The following SCARA5 variants were observed in gnomAD, a reference collection of about 807,000 sequenced individuals.
The protein encoded by SCARA5 is scavenger receptor class A member 5.
Under a neutral mutation model 46.3 loss-of-function variants are expected in SCARA5, and 45 were observed. The ratio of observed to expected loss-of-function variants is 0.97; its 90% CI spans 0.76 to 1.24. SCARA5 has a LOEUF of 1.24. Among genes scored for constraint, SCARA5 ranks in the 50% most tolerant of loss-of-function variants. The pLI, the probability that SCARA5 is intolerant of heterozygous loss-of-function variation, is 0.00. For synonymous variants in SCARA5, 333 were observed against 306.5 expected (o/e 1.09, Z -0.90); for missense variants, 680 against 689.0 (o/e 0.99, Z 0.15).
At chr8:27,919,698 G>A (rs966441314) in intron 4 of SCARA5, among the ~76,000 whole-genome samples, 1 of 151,844 alleles carries the variant, frequency 6.6e-6, no homozygotes. Flanking sequence ...AAGCACACTA[G>A]CTCTGGGATC....
chr8:27,921,467 A>C (rs1329699313), intron 4 of SCARA5, 104 bp downstream of exon 4: 10 of 922,096 alleles, frequency 1.1e-5, no homozygotes, highest in Admixed American at 3.2e-5. Context: ...GCACTTGGGG[A>C]TGGGGTGGGG....
chr8:27,904,697 C>A (rs755572582), intron 7 of SCARA5, 81 bp downstream of exon 7: 8 of 1,309,962 alleles, frequency 6.1e-6, no homozygotes, highest in African/African-American at 5.8e-5. Context: ...GCCTCTGAAC[C>A]TCCAAACTTA....
chr8:27,922,333 G>T (rs1807612456), intron 3 of SCARA5, 88 bp from the exon 4 acceptor site: 8 of 838,948 alleles, frequency 9.5e-6, no homozygotes, highest in Middle Eastern at 4.6e-4. Flanking sequence ...AGCCTGGCAT[G>T]CAGTAGGTGC....
rs925750659 is a variant in SCARA5, at chr8:27,947,327, A to G, written c.241+19087T>C. Among the ~76,000 whole-genome samples the G allele has an allele frequency of 3.3e-5, 5 of 152,262 alleles. No homozygotes were observed. In the East Asian group the frequency reaches 9.7e-4, roughly 29 times the overall value. On this transcript the variant is annotated intron_variant, in intron 3 of 8. Transcript: ENST00000354914. ...GCACCCAGCCTCTGTTGGACTTCCA[A>G]GGGCAAATTGGCTTAAAAATCCAAA...
At chr8:27,984,531 T>G (rs1390466342) in intron 2 of SCARA5, among the ~76,000 whole-genome samples, 1 of 151,738 alleles carries the variant, frequency 6.6e-6, no homozygotes, top group Non-Finnish European at 1.5e-5. Context: ...CATCCATCTA[T>G]CCATTCATTC....
chr8:27,916,852 C>G (rs984256337), intron 4 of SCARA5, among the ~76,000 whole-genome samples: 1 of 152,132 alleles, frequency 6.6e-6, no homozygotes, highest in Non-Finnish European at 1.5e-5. Context: ...GCATCCCCCC[C>G]GATTTCATAT....
At chr8:27,945,862 A>C (rs950502637) in intron 3 of SCARA5, among the ~76,000 whole-genome samples, 2 of 152,220 alleles carry the variant, frequency 1.3e-5, no homozygotes. Context: ...AAGAAATGCA[A>C]ATTTTAAAAA....
intron 3 of SCARA5, 70 bp from the exon 4 acceptor site, chr8:27,922,315 CCAGT>C: frequency 9.0e-7 from 1 of 1,112,850 alleles, no homozygotes; most frequent in Non-Finnish European, 1.3e-6. Flanking sequence ...AGAGGCGAAC[CCAGT>C]CAGAGCCTGG....
At position 27,870,876 on chromosome 8, in the gene SCARA5, C is replaced by T. The variant is rs528961283; in HGVS notation, c.*1058G>A. The T allele has an allele frequency of 6.6e-6, 1 of 152,234 alleles. No individual in the cohort carries two copies. The highest frequency in any genetic ancestry group is 2.1e-4 in the South Asian group (1 of 4,832). The allele number at this position is 152,234 out of a possible 1,614,324, so 9.4% of individuals were successfully genotyped here. A position where few individuals can be genotyped will look rare whatever the true frequency, so the allele number is the denominator to read the frequency against. ...AAGATGCAAAATCATCACCTCCAAACAGCTGAGACACACATGACTTGGCTT... is the reference window on the plus strand; with the variant it reads ...AAGATGCAAAATCATCACCTCCAAATAGCTGAGACACACATGACTTGGCTT... On this transcript the variant is annotated 3_prime_UTR_variant, in exon 9 of 9. Coordinates refer to ENST00000354914, the MANE Select transcript of SCARA5 (RefSeq NM_173833.6).
At chr8:27,900,150 C>CA (rs890530813) in intron 7 of SCARA5, among the ~76,000 whole-genome samples, 4 of 149,648 alleles carry the variant, frequency 2.7e-5, no homozygotes, top group Non-Finnish European at 4.4e-5. Context: ...AAAAAAAAAC[C>CA]AAAAAAACAA....
intron 3 of SCARA5, among the ~76,000 whole-genome samples, chr8:27,932,693 A>G (rs866725025): frequency 5.3e-5 from 8 of 152,242 alleles, no homozygotes; most frequent in African/African-American, 1.7e-4. Flanking sequence ...CAATGGCGCA[A>G]TCTCGGCTCA....
chr8:27,959,724 G>C lies in SCARA5; in HGVS notation c.241+6690C>G, dbSNP rs17058332. On this transcript the variant is annotated intron_variant, in intron 3 of 8. Transcript: ENST00000354914. ...AGAACTAGAAACAGTGTATGGGAAA[G>C]TCAAGGAGGACAAGGAAGGGGTTTC... 3.8e-3 allele frequency among the ~76,000 whole-genome samples: 583 copies of C among 152,348 alleles called. 2 individuals are homozygous for C. The highest frequency in any genetic ancestry group is 0.014 in the African/African-American group (567 of 41,570).
intron 3 of SCARA5, among the ~76,000 whole-genome samples, chr8:27,942,816 C>G (rs570982618): frequency 1.3e-5 from 2 of 152,176 alleles, no homozygotes; most frequent in African/African-American, 4.8e-5. Context: ...AATGCTGAAG[C>G]CTGCTTTGCC....
At chr8:27,883,676 A>G (rs1393270712) in intron 7 of SCARA5, among the ~76,000 whole-genome samples, 2 of 152,224 alleles carry the variant, frequency 1.3e-5, no homozygotes, top group Non-Finnish European at 2.9e-5. Flanking sequence ...TCCAACCCTC[A>G]GTAATCCAAG....
chr8:27,923,567 TTTTTG>T (rs1377654996), intron 3 of SCARA5, among the ~76,000 whole-genome samples: 1 of 152,108 alleles, frequency 6.6e-6, no homozygotes, highest in East Asian at 1.9e-4. Flanking sequence ...GTGTTTTCTG[TTTTTG>T]TTTTGTTTTG....
intron 2 of SCARA5, among the ~76,000 whole-genome samples, chr8:27,977,528 C>A (rs1808544131): frequency 6.6e-6 from 1 of 152,210 alleles, no homozygotes. Flanking sequence ...CCTGCCTAAC[C>A]TTTCCCATGA....
chr8:27,946,495 A>G (rs1563534708), intron 3 of SCARA5, among the ~76,000 whole-genome samples: 1 of 152,242 alleles, frequency 6.6e-6, no homozygotes, highest in Non-Finnish European at 1.5e-5. Flanking sequence ...CTCAAAGGAA[A>G]CCAGCCCTGT....
At chr8:27,879,426 T>C in intron 8 of SCARA5, 143 bp downstream of exon 8, 1 of 734,544 alleles carries the variant, frequency 1.4e-6, no homozygotes, top group Admixed American at 2.3e-5. Flanking sequence ...GGCGGGGCAG[T>C]GAGTTCTTAT....
intron 3 of SCARA5, among the ~76,000 whole-genome samples, chr8:27,950,805 G>A (rs1808112991): frequency 6.7e-6 from 1 of 150,182 alleles, no homozygotes; most frequent in Admixed American, 6.7e-5. Context: ...TTAACAGACA[G>A]CACCTCTGTA....
Sources: gnomAD v4.1 joint callset for allele counts (sites outside exome capture counted in the v4.1 genomes callset) on GRCh38, gnomAD v4.1.1 for gene constraint, MANE v1.5 for transcripts, NCBI Gene and HGNC (gene_info 2026-07-23, HGNC 2026-07-21) for gene names.